The following HAUS4 variants were observed in gnomAD, a reference collection of about 807,000 sequenced individuals.
The protein encoded by HAUS4 is HAUS augmin like complex subunit 4, also known as HAUS augmin-like complex subunit 4.
Under a neutral mutation model 50.6 loss-of-function variants are expected in HAUS4, and 34 were observed. That is an observed-to-expected ratio of 0.67 (90% CI 0.51 to 0.90). The LOEUF is 0.90. Ranked by LOEUF, HAUS4 falls within the 40% of genes least tolerant of loss-of-function variation. HAUS4 has a pLI of 0.00. For missense variants in HAUS4, 370 were observed against 428.7 expected, an observed-to-expected ratio of 0.86 and a Z score of 1.21; for synonymous variants, 149 against 161.4, an observed-to-expected ratio of 0.92 and a Z score of 0.58.
At chr14:22,947,297 G>C (rs1214709133) in intron 8 of HAUS4, 58 bp from the exon 9 acceptor site, 2 of 1,156,998 alleles carry the variant, frequency 1.7e-6, no homozygotes, top group African/African-American at 3.0e-5. Flanking sequence ...CAGCAGGGTT[G>C]GGAATGGACG....
intron 2 of HAUS4, 150 bp downstream of exon 2, chr14:22,954,950 C>T: frequency 1.5e-6 from 1 of 675,594 alleles, no homozygotes; most frequent in Non-Finnish European, 2.7e-6. Flanking sequence ...TGGTCTCGAT[C>T]TCCTGACCTC....
chr14:22,954,011 GC>G (rs2044811840), intron 2 of HAUS4, among the ~76,000 whole-genome samples: 1 of 151,454 alleles, frequency 6.6e-6, no homozygotes, highest in Non-Finnish European at 1.5e-5. Context: ...CAGGTGATCC[GC>G]CCGCCTTGGC....
Position 22,952,420 on chromosome 14 carries a change from T to C in HAUS4, c.238A>G (p.Arg80Gly). Residue 80 changes from arginine (R) to glycine (G), a missense_variant, in exon 4 of 10, where the codon AGG (arginine) becomes GGG (glycine). Coordinates refer to ENST00000541587, the MANE Select transcript of HAUS4 (RefSeq NM_001166269.2). ...EVRLHKTTWL[R>G]SEILHRVIQE... ...ATGACTCTGTGTAAAATCTCAGACC[T>C]CAACCATGTTGTCTTATGCAGTCGA... The C allele has an allele frequency of 6.2e-7, 1 of 1,614,050 alleles. No individual in the cohort carries two copies. The highest frequency in any genetic ancestry group is 1.1e-5 in the South Asian group (1 of 91,072).
At position 22,947,700 on chromosome 14, in the gene HAUS4, C is replaced by T. The variant is rs140526445; in HGVS notation, c.740G>A (p.Arg247Lys). The T allele has an allele frequency of 3.1e-6, 5 of 1,613,978 alleles. No individual in the cohort carries two copies. The African/African-American group carries it at 6.7e-5, about 22-fold the overall frequency. ...CTTCAGCCGGTGTTCTTGAAGAAGCCTCTGCAGCAAAGTGAGGCAGCGGAG... is the reference window on the plus strand; with the variant it reads ...CTTCAGCCGGTGTTCTTGAAGAAGCTTCTGCAGCAAAGTGAGGCAGCGGAG... ...VLLRCLTLLQ[R>K]LLQEHRLKTQ... The change falls in exon 8 of 10, where the codon AGG (arginine) becomes AAG (lysine). Residue 247 changes from arginine to lysine, a missense_variant. Coordinates refer to ENST00000541587, the MANE Select transcript of HAUS4 (RefSeq NM_001166269.2).
intron 5 of HAUS4, 50 bp downstream of exon 5, chr14:22,951,505 G>A: frequency 6.3e-7 from 1 of 1,590,280 alleles, no homozygotes; most frequent in Non-Finnish European, 8.6e-7. Flanking sequence ...TAAAGATATG[G>A]GAGAAATTAA....
Position 22,952,391 on chromosome 14 carries a change from T to C in HAUS4, c.267A>G (p.Gln89=). 4 of 1,614,102 alleles carry C rather than the reference T, an allele frequency of 2.5e-6. No homozygotes were observed. Among genetic ancestry groups the C allele is most frequent in the Non-Finnish European group, 3.4e-6 (4 of 1,179,940 alleles). ...LRSEILHRVI[Q]ELLVDYYVKI... ...TCACATAGTAGTCCACAAGCAACTC[T>C]TGAATGACTCTGTGTAAAATCTCAG... The change falls in exon 4 of 10, where the codon CAA becomes CAG. Residue 89 remains glutamine, a synonymous_variant. Coordinates refer to ENST00000541587, the MANE Select transcript of HAUS4 (RefSeq NM_001166269.2).
chr14:22,948,783 C>T (rs547441356), intron 6 of HAUS4, among the ~76,000 whole-genome samples: 1 of 152,188 alleles, frequency 6.6e-6, no homozygotes, highest in Non-Finnish European at 1.5e-5. Context: ...GATCCACCTG[C>T]CTCGGCCTCC....
chr14:22,948,456 G>GT (rs1385285500), intron 6 of HAUS4, among the ~76,000 whole-genome samples: 1 of 138,624 alleles, frequency 7.2e-6, no homozygotes, highest in East Asian at 2.1e-4. Context: ...AAAAAAAGCG[G>GT]GGGGGGGGAG....
At chr14:22,947,391 C>G in intron 8 of HAUS4, 152 bp from the exon 9 acceptor site, 1 of 727,656 alleles carries the variant, frequency 1.4e-6, no homozygotes, top group Non-Finnish European at 2.4e-6. Context: ...ATTGATCTCA[C>G]AGTAAAGTGC....
intron 2 of HAUS4, chr14:22,954,217 T>C (rs1291538389): frequency 6.6e-6 from 1 of 152,240 alleles, no homozygotes; most frequent in African/African-American, 2.4e-5. Flanking sequence ...TTTTTCCATA[T>C]GCTCTCTGTT....
chr14:22,949,354 C>T (rs532959997), intron 6 of HAUS4, among the ~76,000 whole-genome samples: 145 of 151,342 alleles, frequency 9.6e-4, no homozygotes, highest in African/African-American at 3.4e-3. Flanking sequence ...ACGGTGAAAC[C>T]CCGTCTCTAC....
At position 22,947,534 on chromosome 14, in the gene HAUS4, G is replaced by A. The variant is rs527692506; in HGVS notation, c.839+67C>T. The A allele has an allele frequency of 3.3e-5, 51 of 1,547,916 alleles. No homozygotes were observed. The South Asian group carries it at 4.9e-4, about 15-fold the overall frequency. On this transcript the variant is annotated intron_variant, in intron 8 of 9. Coordinates refer to ENST00000541587, the MANE Select transcript of HAUS4 (RefSeq NM_001166269.2). ...AGGATAAGGGAGAGGAAAGAGATTA[G>A]GGTAAGGGATAGAGGGCTGATAACG... is the stretch of plus-strand genomic sequence containing the variant.
intron 2 of HAUS4, among the ~76,000 whole-genome samples, chr14:22,953,629 T>G (rs1177467804): frequency 1.4e-5 from 2 of 145,748 alleles, no homozygotes; most frequent in Non-Finnish European, 1.5e-5. Flanking sequence ...TTGTTTTTTG[T>G]TTTTTTTTTG....
At chr14:22,951,383 C>T (rs1049564329) in intron 5 of HAUS4, 172 bp downstream of exon 5, 2 of 678,306 alleles carry the variant, frequency 2.9e-6, no homozygotes, top group Admixed American at 5.1e-5. Context: ...CTTCTAGATG[C>T]AGTATTTCAG....
chr14:22,955,580 T>C (rs555606431), intron 1 of HAUS4: 22 of 159,660 alleles, frequency 1.4e-4, no homozygotes, highest in Non-Finnish European at 2.7e-4. Flanking sequence ...AATCAAAGTC[T>C]ACTTTTTCCC....
chr14:22,947,028 C>G (rs1480951435), intron 9 of HAUS4, 143 bp downstream of exon 9: 8 of 661,170 alleles, frequency 1.2e-5, no homozygotes, highest in Non-Finnish European at 1.9e-5. Context: ...AAGCGAGCTG[C>G]CCACCTCGGC....
chr14:22,952,741 A>T, intron 2 of HAUS4, 58 bp from the exon 3 acceptor site: 1 of 1,412,182 alleles, frequency 7.1e-7, no homozygotes, highest in Non-Finnish European at 9.5e-7. Flanking sequence ...CTCTTACTTT[A>T]CATAACTGAG....
chr14:22,947,169 A>T lies in HAUS4; in HGVS notation c.908+2T>A. On this transcript the variant is annotated splice_donor_variant, in intron 9 of 9. Transcript: ENST00000541587. LOFTEE classifies it high-confidence loss of function. ...CTGTACCAGACTCTTAGGAGTTCTC[A>T]CCTAATCAGACGATGAACTTCCACT... 1 of 1,564,168 alleles carries T rather than the reference A, an allele frequency of 6.4e-7. No homozygotes were observed. The highest frequency in any genetic ancestry group is 8.8e-7 in the Non-Finnish European group (1 of 1,134,626).
chr14:22,951,409 G>A, intron 5 of HAUS4, 146 bp downstream of exon 5: 1 of 817,314 alleles, frequency 1.2e-6, no homozygotes, highest in Non-Finnish European at 2.0e-6. Flanking sequence ...ACTTGCTCCT[G>A]TGTAACGTTT....
Sources: allele counts gnomAD v4.1 joint callset (sites outside exome capture counted in the v4.1 genomes callset), GRCh38; gene constraint gnomAD v4.1.1; transcripts MANE v1.5; gene names NCBI Gene and HGNC (gene_info 2026-07-23, HGNC 2026-07-21).